The following BPHL variants were observed in gnomAD, a reference collection of about 807,000 sequenced individuals.
BPHL encodes serine hydrolase BPHL.
Under a neutral mutation model 31.2 loss-of-function variants are expected in BPHL, and 27 were observed. The observed-to-expected ratio is 0.87, with a 90% CI of 0.64 to 1.19. The LOEUF is 1.19. BPHL is among the 50% of genes most tolerant of loss of function. BPHL has a pLI of 0.00. For synonymous variants in BPHL, 150 were observed against 146.8 expected (o/e 1.02, Z -0.16); for missense variants, 356 against 375.7 (o/e 0.95, Z 0.43).
intron 6 of BPHL, among the ~76,000 whole-genome samples, chr6:3,150,582 G>A (rs1358166678): frequency 6.6e-6 from 1 of 152,172 alleles, no homozygotes; most frequent in Non-Finnish European, 1.5e-5. Flanking sequence ...TAGCAGTTGG[G>A]GGTTTCCTAC....
intron 2 of BPHL, among the ~76,000 whole-genome samples, chr6:3,126,631 C>T (rs1187295237): frequency 6.6e-6 from 1 of 151,604 alleles, no homozygotes; most frequent in Non-Finnish European, 1.5e-5. Flanking sequence ...ACTTTGTCAC[C>T]AGGGTAGAGT....
chr6:3,153,187 T>G lies in BPHL; in HGVS notation c.*612T>G, dbSNP rs887112376. The G allele has an allele frequency of 4.6e-5, 7 of 152,564 alleles. No homozygotes were observed. Among genetic ancestry groups the G allele is most frequent in the African/African-American group, 1.7e-4 (7 of 41,456 alleles). The allele number at this position is 152,564 out of a possible 1,614,324, so 9.5% of individuals were successfully genotyped here. A position where few individuals can be genotyped will look rare whatever the true frequency, so the allele number is the denominator to read the frequency against. Reference sequence around the variant, plus strand: ...GCCATAATTTATTTTCAAATAAATTTTAGGTGGAGAATGTGTAGTGTTAAT... The same window carrying G: ...GCCATAATTTATTTTCAAATAAATTGTAGGTGGAGAATGTGTAGTGTTAAT... On this transcript the variant is annotated 3_prime_UTR_variant, in exon 7 of 7. Coordinates refer to ENST00000380379, the MANE Select transcript of BPHL (RefSeq NM_004332.4).
chr6:3,123,260 A>G (rs774650892), intron 1 of BPHL, among the ~76,000 whole-genome samples: 1 of 152,276 alleles, frequency 6.6e-6, no homozygotes, highest in Non-Finnish European at 1.5e-5. Context: ...CGACTCATTC[A>G]TATACAAAGA....
rs1471398703 is a variant in BPHL, at chr6:3,127,379, G to A, written c.349G>A (p.Asp117Asn). 3 of 1,607,652 alleles carry A rather than the reference G, an allele frequency of 1.9e-6. No homozygotes were observed. The highest frequency in any genetic ancestry group is 2.2e-5 in the East Asian group (1 of 44,800). ...TTTCCCAGCAGACTTTTTTGAAAGG[G>A]ATGCAAAAGATGCTGTTGATTTGAT... ...RDFPADFFER[D>N]AKDAVDLMKA... The change falls in exon 3 of 7, where the codon GAT becomes AAT. Residue 117 changes from aspartate (D) to asparagine (N), a missense_variant. Asp to Asn is a conservative substitution (Grantham distance 23). Coordinates refer to ENST00000380379, the MANE Select transcript of BPHL (RefSeq NM_004332.4).
At position 3,152,526 on chromosome 6, in the gene BPHL, T is replaced by G; in HGVS notation, c.827T>G (p.Leu276Trp). 1.2e-6 allele frequency: 2 copies of G among 1,613,574 alleles called. No individual in the cohort carries two copies. The highest frequency in any genetic ancestry group is 1.7e-6 in the Non-Finnish European group (2 of 1,179,832). ...CCAGAAGGCAAACACAACCTGCATT[T>G]GCGTTTTGCAGATGAATTCAACAAG... Reference protein sequence around the residue: ...LMPEGKHNLHLRFADEFNKLA... With the variant: ...LMPEGKHNLHWRFADEFNKLA... Residue 276 changes from leucine (L) to tryptophan (W), a missense_variant, in exon 7 of 7, where the codon TTG (leucine) becomes TGG (tryptophan). Physicochemically the swap from Leu to Trp is moderately conservative, Grantham distance 61. Coordinates refer to ENST00000380379, the MANE Select transcript of BPHL (RefSeq NM_004332.4).
At position 3,123,132 on chromosome 6, in the gene BPHL, T is replaced by G. The variant is rs567303809; in HGVS notation, c.108-525T>G. Among the ~76,000 whole-genome samples the G allele has an allele frequency of 1.8e-4, 27 of 152,364 alleles. No homozygotes were observed. In the South Asian group the frequency reaches 5.6e-3, roughly 32 times the overall value. ...GCCCCAGGCTGGGCACAATAGCGTA[T>G]TCAAGCATGAGGGCACAGTTCAGAT... On this transcript the variant is annotated intron_variant, in intron 1 of 6. Coordinates refer to ENST00000380379, the MANE Select transcript of BPHL (RefSeq NM_004332.4).
At chr6:3,127,456 T>C in intron 3 of BPHL, 48 bp downstream of exon 3, 1 of 1,420,866 alleles carries the variant, frequency 7.0e-7, no homozygotes, top group Non-Finnish European at 9.4e-7. Flanking sequence ...GCTGGGCCTG[T>C]CTTCATTTAT....
At chr6:3,119,366 C>T (rs1761495566) in intron 1 of BPHL, 3 of 1,575,666 alleles carry the variant, frequency 1.9e-6, no homozygotes, top group Middle Eastern at 1.7e-4. Flanking sequence ...TTGCTGATCT[C>T]GTACCTTAAT....
At chr6:3,141,098 A>G (rs1053034991) in intron 6 of BPHL, among the ~76,000 whole-genome samples, 4 of 152,218 alleles carry the variant, frequency 2.6e-5, no homozygotes, top group Non-Finnish European at 2.9e-5. Context: ...GGAGGAAAAA[A>G]AGTTTCTTTT....
chr6:3,134,166 G>T (rs1761945197), intron 4 of BPHL, among the ~76,000 whole-genome samples: 1 of 152,046 alleles, frequency 6.6e-6, no homozygotes, highest in African/African-American at 2.4e-5. Flanking sequence ...TGTAATAATT[G>T]ATACACACAA....
Position 3,140,613 on chromosome 6 carries a change from A to G in BPHL, c.788+104A>G. ...AAGAGGAGTTGGAGTTTTAGAGTGC[A>G]CAGCCCCCCTTTTGCCAATGCCAGT... On this transcript the variant is annotated intron_variant, in intron 6 of 6. Transcript: ENST00000380379. This position sits in a 1 kb window ranked among gnomAD's most constrained non-coding sequence, Gnocchi z 5.2. 1 of 1,525,366 alleles carries G rather than the reference A, an allele frequency of 6.6e-7. No individual in the cohort carries two copies. The highest frequency in any genetic ancestry group is 8.9e-7 in the Non-Finnish European group (1 of 1,128,912). The allele number at this position is 1,525,366 out of a possible 1,614,324, so 94.5% of individuals were successfully genotyped here.
chr6:3,151,645 C>T (rs1337811120), intron 6 of BPHL, among the ~76,000 whole-genome samples: 1 of 152,202 alleles, frequency 6.6e-6, no homozygotes, highest in Non-Finnish European at 1.5e-5. Context: ...GTCTAATTAT[C>T]ATTGTAGACA....
intron 6 of BPHL, among the ~76,000 whole-genome samples, chr6:3,145,006 AG>A (rs568724712): frequency 8.5e-5 from 13 of 152,332 alleles, no homozygotes; most frequent in Admixed American, 2.0e-4. Context: ...GAGCACCAGC[AG>A]GGGACTCAGA....
intron 6 of BPHL, among the ~76,000 whole-genome samples, chr6:3,152,043 A>G (rs989475361): frequency 1.3e-5 from 2 of 152,198 alleles, no homozygotes; most frequent in Non-Finnish European, 2.9e-5. Context: ...TGCCCACTAC[A>G]TCAACACGCC....
At chr6:3,129,484 G>A (rs1761808759) in intron 4 of BPHL, among the ~76,000 whole-genome samples, 1 of 152,204 alleles carries the variant, frequency 6.6e-6, no homozygotes, top group Non-Finnish European at 1.5e-5. Context: ...GAAGGAGGGG[G>A]TGGTGTGAAG....
In BPHL at chr6:3,123,719, G is replaced by C. The variant is rs758546817; in HGVS notation, c.170G>C (p.Gly57Ala). The C allele has an allele frequency of 1.2e-6, 2 of 1,613,748 alleles. No homozygotes were observed. The highest frequency in any genetic ancestry group is 1.7e-5 in the Admixed American group (1 of 59,958). The change falls in exon 2 of 7, where the codon GGA (glycine) becomes GCA (alanine). Residue 57 changes from glycine (G) to alanine (A), a missense_variant. Physicochemically the swap from Gly to Ala is moderately conservative, Grantham distance 60. Coordinates refer to ENST00000380379, the MANE Select transcript of BPHL (RefSeq NM_004332.4). The stretch of plus-strand genomic sequence containing the variant: ...GTTCAGCTGCATTACCAGCAGACTG[G>C]AGAGGGAGATCACGCAGTCCTGCTA... Reference protein sequence around the residue: ...NGVQLHYQQTGEGDHAVLLLP... With the variant: ...NGVQLHYQQTAEGDHAVLLLP...
Position 3,127,341 on chromosome 6 carries a change from C to T in BPHL, c.311C>T (p.Pro104Leu). 6.2e-7 allele frequency: 1 copy of T among 1,607,870 alleles called. No individual in the cohort carries two copies. The change falls in exon 3 of 7, where the codon CCC becomes CTC. Residue 104 changes from proline (P) to leucine (L), a missense_variant. By Grantham distance (98) the Pro-to-Leu change is moderately conservative. Coordinates refer to ENST00000380379, the MANE Select transcript of BPHL (RefSeq NM_004332.4). ...CCTCGAGGCTATGGACATTCCAGGC[C>T]CCCAGATCGCGATTTCCCAGCAGAC... ...WDPRGYGHSRPPDRDFPADFF... is the reference protein window; with the variant it reads ...WDPRGYGHSRLPDRDFPADFF...
chr6:3,126,260 T>A (rs1329477488), intron 2 of BPHL, among the ~76,000 whole-genome samples: 2 of 151,740 alleles, frequency 1.3e-5, no homozygotes, highest in Admixed American at 6.6e-5. Context: ...AAAAAAAAAA[T>A]TAAAAATCTG....
chr6:3,144,219 C>G (rs1286063675), intron 6 of BPHL, among the ~76,000 whole-genome samples: 1 of 152,036 alleles, frequency 6.6e-6, no homozygotes, highest in Non-Finnish European at 1.5e-5. Context: ...AGGCGCCCAC[C>G]ACCACGCCCG....
Sources: gnomAD v4.1 joint callset for allele counts (sites outside exome capture counted in the v4.1 genomes callset) on GRCh38, gnomAD v4.1.1 for gene constraint, Gnocchi (gnomAD v3.1) non-coding constraint, MANE v1.5 for transcripts, NCBI Gene and HGNC (gene_info 2026-07-23, HGNC 2026-07-21) for gene names.